The following ZFHX3 variants were observed in gnomAD, a reference collection of about 807,000 sequenced individuals.
The protein encoded by ZFHX3 is zinc finger homeobox protein 3.
In ZFHX3, 42 loss-of-function variants were observed where a neutral mutation model predicts 279.1. That is an observed-to-expected ratio of 0.15 (90% CI 0.12 to 0.19). The LOEUF (loss-of-function observed/expected upper bound fraction) is 0.19. Among genes scored for constraint, ZFHX3 ranks in the 10% least tolerant of loss-of-function variants. The pLI is 1.00. For missense variants in ZFHX3, 4,981 were observed against 4,754.0 expected (o/e 1.05, Z -1.40); for synonymous variants, 2,293 against 1,957.8 (o/e 1.17, Z -4.52).
At chr16:73,746,361 A>T (rs534400979) in intron 1 of ZFHX3, among the ~76,000 whole-genome samples, 54 of 152,326 alleles carry the variant, frequency 3.5e-4, no homozygotes, top group Middle Eastern at 3.4e-3. Flanking sequence ...CTTATTTACG[A>T]TTTTTATTAT....
chr16:73,285,315 A>T (rs1194895616), intron 4 of ZFHX3, among the ~76,000 whole-genome samples: 1 of 152,234 alleles, frequency 6.6e-6, no homozygotes, highest in Non-Finnish European at 1.5e-5. Flanking sequence ...GGATCGGTAG[A>T]GGGTAATTGT....
chr16:73,092,951 T>A (rs573273137), intron 8 of ZFHX3: 21 of 520,080 alleles, frequency 4.0e-5, no homozygotes, highest in Admixed American at 1.7e-4. Context: ...CCAACCTGTA[T>A]CCCTTCGTTT....
At chr16:72,945,595 T>A (rs535131664) in intron 3 of ZFHX3, among the ~76,000 whole-genome samples, 2 of 152,236 alleles carry the variant, frequency 1.3e-5, no homozygotes, top group African/African-American at 4.8e-5. Flanking sequence ...AGGAAAACAT[T>A]CCTTTCCTTT....
chr16:73,251,178 A>G (rs1459113726), intron 5 of ZFHX3, among the ~76,000 whole-genome samples: 1 of 152,180 alleles, frequency 6.6e-6, no homozygotes, highest in Non-Finnish European at 1.5e-5. Context: ...ATCCTCTGAG[A>G]CCTCTCACAG....
intron 3 of ZFHX3, among the ~76,000 whole-genome samples, chr16:72,897,193 C>T (rs1037257725): frequency 6.6e-5 from 10 of 152,220 alleles, no homozygotes; most frequent in African/African-American, 1.4e-4. Context: ...AGAAGCTGCC[C>T]GTTACAGCAC....
chr16:73,494,097 G>A (rs954593612), intron 2 of ZFHX3, among the ~76,000 whole-genome samples: 6 of 152,060 alleles, frequency 3.9e-5, no homozygotes, highest in African/African-American at 1.4e-4. Context: ...GCAAAGAGTC[G>A]CTTCCCGGTA....
intron 2 of ZFHX3, among the ~76,000 whole-genome samples, chr16:73,529,839 T>G (rs560085968): frequency 6.6e-6 from 1 of 152,166 alleles, no homozygotes; most frequent in Non-Finnish European, 1.5e-5. Flanking sequence ...TAGGGGATCA[T>G]AGGCTGTGTG....
At chr16:73,069,424 G>C (rs1484730746) in intron 8 of ZFHX3, among the ~76,000 whole-genome samples, 1 of 152,158 alleles carries the variant, frequency 6.6e-6, no homozygotes, top group Non-Finnish European at 1.5e-5. Context: ...AAAGCCAACT[G>C]TTCAGTTTAG....
intron 3 of ZFHX3, among the ~76,000 whole-genome samples, chr16:73,387,789 C>A (rs2016931155): frequency 6.6e-6 from 1 of 151,850 alleles, no homozygotes; most frequent in African/African-American, 2.4e-5. Flanking sequence ...ACATAAACAC[C>A]CACTGCTTTT....
At position 72,787,694 on chromosome 16, in the gene ZFHX3, AGCCGCCGCCGCCGCCGCC is replaced by A. The variant is rs374416547; in HGVS notation, c.10564_10581del (p.Gly3522_Gly3527del). On this transcript the variant is annotated inframe_deletion, in exon 10 of 10. Transcript: ENST00000268489. ...CTCTCGCACGCCAGGCAGTGGTACG[AGCCGCCGCCGCCGCCGCC>A]GCCGCCACCGCCGCCGCCGCCGCCA... The A allele has an allele frequency of 7.5e-5, 107 of 1,420,790 alleles. 18 individuals are homozygous for A. In the Middle Eastern group the frequency reaches 3.3e-3, roughly 44 times the overall value. The allele number at this position is 1,420,790 out of a possible 1,614,324, so 88.0% of individuals were successfully genotyped here. A position where few individuals can be genotyped will look rare whatever the true frequency, so the allele number is the denominator to read the frequency against.
intron 2 of ZFHX3, among the ~76,000 whole-genome samples, chr16:73,552,045 CAG>C (rs149648396): frequency 3.3e-4 from 50 of 151,364 alleles, no homozygotes; most frequent in African/African-American, 1.2e-3. Context: ...GAGAGAGAGA[CAG>C]AGAGAGAGAG....
chr16:73,335,910 C>G (rs1597289770), intron 3 of ZFHX3, among the ~76,000 whole-genome samples: 2 of 152,226 alleles, frequency 1.3e-5, no homozygotes, highest in Admixed American at 1.3e-4. Flanking sequence ...CCTTCATGCC[C>G]TCACCGTGTC....
intron 1 of ZFHX3, chr16:73,812,506 T>C (rs1960453751): frequency 6.6e-6 from 1 of 152,190 alleles, no homozygotes; most frequent in African/African-American, 2.4e-5. Context: ...GGGCAGTTAT[T>C]ATGTCATAAT....
At chr16:73,119,566 C>G (rs1241979082) in intron 7 of ZFHX3, among the ~76,000 whole-genome samples, 1 of 152,226 alleles carries the variant, frequency 6.6e-6, no homozygotes, top group Non-Finnish European at 1.5e-5. Flanking sequence ...TTGGACCAAC[C>G]AGCCGTGTGG....
intron 2 of ZFHX3, chr16:73,609,490 G>A (rs2052223992): frequency 6.6e-6 from 1 of 152,152 alleles, no homozygotes; most frequent in African/African-American, 2.4e-5. Context: ...CCTTTAGAAT[G>A]CTTTGATTTA....
rs569888997 is a variant in ZFHX3 at position 73,503,701 on chromosome 16, G to A, written c.-1546-47443C>T. Among the ~76,000 whole-genome samples the A allele has an allele frequency of 2.0e-5, 3 of 152,272 alleles. No homozygotes were observed. In the Middle Eastern group the frequency reaches 0.01, roughly 518 times the overall value. On this transcript the variant is annotated intron_variant, in intron 2 of 17. Coordinates refer to the ZFHX3 transcript ENST00000641206. ...GCAAAGATATCAAATGCATATCTACGCAAAACATTTCGTCAGAGAAACGTG... is the reference window on the plus strand; with the variant it reads ...GCAAAGATATCAAATGCATATCTACACAAAACATTTCGTCAGAGAAACGTG...
At chr16:73,222,510 C>T (rs373611380) in intron 5 of ZFHX3, among the ~76,000 whole-genome samples, 1 of 151,884 alleles carries the variant, frequency 6.6e-6, no homozygotes, top group Admixed American at 6.6e-5. Context: ...ATAAAATTAA[C>T]AAAATATGTA....
At chr16:73,707,735 TATA>T (rs1268450691) in intron 1 of ZFHX3, among the ~76,000 whole-genome samples, 1 of 138,274 alleles carries the variant, frequency 7.2e-6, no homozygotes, top group African/African-American at 2.5e-5. Flanking sequence ...AAACTTAAAG[TATA>T]ATAATAATAA....
chr16:73,890,995 GGCTTCCCCCTACCCCACCTCGCC>G (rs1183012411), intron 1 of ZFHX3, among the ~76,000 whole-genome samples: 1 of 151,238 alleles, frequency 6.6e-6, no homozygotes, highest in East Asian at 1.9e-4. Flanking sequence ...CTGTCTTGCT[GGCTTCCCCCTACCCCACCTCGCC>G]GCTCCCCCCC....
Sources: gnomAD v4.1 joint callset for allele counts (sites outside exome capture counted in the v4.1 genomes callset) on GRCh38, gnomAD v4.1.1 for gene constraint, MANE v1.5 for transcripts, NCBI Gene and HGNC (gene_info 2026-07-23, HGNC 2026-07-21) for gene names.